Variants in TCP10L observed in about 807,000 individuals in gnomAD.
TCP10L encodes the protein t-complex 10 like, also known as T-complex protein 10A homolog 1.
In TCP10L, 11 loss-of-function variants were observed where a neutral mutation model predicts 19.2. The ratio of observed to expected loss-of-function variants is 0.57; its 90% confidence interval spans 0.36 to 0.95. The LOEUF (loss-of-function observed/expected upper bound fraction) is 0.95. Ranked by LOEUF, TCP10L falls within the 40% of genes least tolerant of loss-of-function variation. The pLI is 0.01. For missense variants in TCP10L, 247 were observed against 263.9 expected (o/e 0.94, Z 0.44); for synonymous variants, 96 against 97.2 (o/e 0.99, Z 0.07).
At chr21:32,580,407 T>C (rs2146526427) in intron 3 of TCP10L, among the ~76,000 whole-genome samples, 1 of 152,054 alleles carries the variant, frequency 6.6e-6, no homozygotes, top group East Asian at 1.9e-4. Flanking sequence ...CGCCCAGCTG[T>C]GGCTGTTTTT....
chr21:32,576,649 A>T lies in TCP10L; in HGVS notation c.*125T>A. Reference sequence around the variant, plus strand: ...AGAAACATAATTAGTTTAATAAATTACTAGGTCTATTTTGAATAACAAATT... The same window carrying T: ...AGAAACATAATTAGTTTAATAAATTTCTAGGTCTATTTTGAATAACAAATT... On this transcript the variant is annotated 3_prime_UTR_variant, in exon 5 of 5. Coordinates refer to ENST00000300258, the MANE Select transcript of TCP10L (RefSeq NM_144659.7). 2.0e-6 allele frequency: 2 copies of T among 991,876 alleles called. No homozygotes were observed. The highest frequency in any genetic ancestry group is 3.0e-6 in the Non-Finnish European group (2 of 669,284). The allele number at this position is 991,876 out of a possible 1,614,324, so 61.4% of individuals were successfully genotyped here.
rs2038422067 is a variant in TCP10L at position 32,575,574 on chromosome 21, G to GGGCCACACCTGAAGCTC, written c.*1183_*1199dup. 6.6e-6 allele frequency: 1 copy of GGGCCACACCTGAAGCTC among 152,422 alleles called. No individual in the cohort carries two copies. The highest frequency in any genetic ancestry group is 1.5e-5 in the Non-Finnish European group (1 of 68,020). The allele number at this position is 152,422 out of a possible 1,614,324, so 9.4% of individuals were successfully genotyped here. On this transcript the variant is annotated 3_prime_UTR_variant, in exon 5 of 5. Transcript: ENST00000300258. Reference sequence around the variant, plus strand: ...CAGGCTTGGGCTGTGCTGTGCATAAGGGCCACACCTGAAGCTCGGCCACAC... The same window carrying GGGCCACACCTGAAGCTC: ...CAGGCTTGGGCTGTGCTGTGCATAAGGGCCACACCTGAAGCTCGGCCACACCTGAAGCTCGGCCACAC...
intron 3 of TCP10L, among the ~76,000 whole-genome samples, chr21:32,579,799 T>C (rs573201038): frequency 6.6e-6 from 1 of 152,238 alleles, no homozygotes; most frequent in Non-Finnish European, 1.5e-5. Flanking sequence ...ACAATATATG[T>C]AGGGAAAAAA....
chr21:32,575,761 C>G lies in TCP10L; in HGVS notation c.*1013G>C, dbSNP rs61737262. The G allele has an allele frequency of 5.9e-3, 905 of 153,446 alleles. 8 individuals carry two copies. Among genetic ancestry groups the G allele is most frequent in the South Asian group, 0.02 (98 of 4,846 alleles). The allele number at this position is 153,446 out of a possible 1,614,324, so 9.5% of individuals were successfully genotyped here. ...TCTCCTCCCCGTGAGACCCGCAATGCAGGAAGCACCCACAGCTGCATGGAC... is the reference window on the plus strand; with the variant it reads ...TCTCCTCCCCGTGAGACCCGCAATGGAGGAAGCACCCACAGCTGCATGGAC... On this transcript the variant is annotated 3_prime_UTR_variant, in exon 5 of 5. Coordinates refer to ENST00000300258, the MANE Select transcript of TCP10L (RefSeq NM_144659.7).
At chr21:32,581,620 A>C (rs62214716) in intron 3 of TCP10L, among the ~76,000 whole-genome samples, 11,958 of 152,166 alleles carry the variant, frequency 0.079, 560 homozygotes, top group Non-Finnish European at 0.1. Flanking sequence ...GTGGGGAACC[A>C]AAGAAGCGAG....
chr21:32,578,037 G>A lies in TCP10L; in HGVS notation c.498+657C>T, dbSNP rs2038453814. Among the ~76,000 whole-genome samples the A allele has an allele frequency of 6.6e-6, 1 of 152,194 alleles. No homozygotes were observed. Among genetic ancestry groups the A allele is most frequent in the Admixed American group, 6.5e-5 (1 of 15,276 alleles). Reference sequence around the variant, plus strand: ...ATGCTACTGTTTGTGGTTTAAGAACGCCTTTAAGCGGTTTTCCACCCTGGG... The same window carrying A: ...ATGCTACTGTTTGTGGTTTAAGAACACCTTTAAGCGGTTTTCCACCCTGGG... On this transcript the variant is annotated intron_variant, in intron 4 of 4. Coordinates refer to ENST00000300258, the MANE Select transcript of TCP10L (RefSeq NM_144659.7). The surrounding 1 kb of genome is among the most constrained non-coding windows in gnomAD (Gnocchi z 4.2).
chr21:32,578,120 C>G lies in TCP10L; in HGVS notation c.498+574G>C, dbSNP rs143990878. ...AACCCACAACCTTCAGCGTGGGCAT[C>G]ATGGCCATCACGAACATGTCACAGT... On this transcript the variant is annotated intron_variant, in intron 4 of 4. Coordinates refer to ENST00000300258, the MANE Select transcript of TCP10L (RefSeq NM_144659.7). This position sits in a 1 kb window ranked among gnomAD's most constrained non-coding sequence, Gnocchi z 4.2. Among the ~76,000 whole-genome samples the G allele has an allele frequency of 1.2e-3, 184 of 152,372 alleles. 1 individual carries two copies. The East Asian group carries it at 0.035, about 29-fold the overall frequency.
At position 32,584,295 on chromosome 21, in the gene TCP10L, C is replaced by T. The variant is rs769259877; in HGVS notation, c.10G>A (p.Gly4Ser). The T allele has an allele frequency of 6.2e-7, 1 of 1,613,552 alleles. No homozygotes were observed. The highest frequency in any genetic ancestry group is 8.5e-7 in the Non-Finnish European group (1 of 1,179,696). Residue 4 changes from glycine (G) to serine (S), a missense_variant, in exon 2 of 5, where the codon GGT (glycine) becomes AGT (serine). Transcript: ENST00000300258. ...TTGGGGTCCCTGGCCTCGAGTTGAC[C>T]TGCCAGCATCCTGGTTGGGAAGGGA... Reference protein sequence around the residue: MLAGQLEARDPKEG... With the variant: MLASQLEARDPKEG...
At position 32,578,969 on chromosome 21, in the gene TCP10L, C is replaced by G; in HGVS notation, c.361-138G>C. The G allele has an allele frequency of 7.2e-7, 1 of 1,395,844 alleles. No individual in the cohort carries two copies. Among genetic ancestry groups the G allele is most frequent in the East Asian group, 2.5e-5 (1 of 40,464 alleles). 86.5% of individuals were successfully genotyped at this position (1,395,844 alleles called of 1,614,324 possible). A position where few individuals can be genotyped will look rare whatever the true frequency, so the allele number is the denominator to read the frequency against. ...AGGGGGACTTGGACTGGGTTTTCCC[C>G]CTAATATGTTGATAAGAACAGAAAC... On this transcript the variant is annotated intron_variant, in intron 3 of 4. Coordinates refer to ENST00000300258, the MANE Select transcript of TCP10L (RefSeq NM_144659.7). This position sits in a 1 kb window ranked among gnomAD's most constrained non-coding sequence, Gnocchi z 4.2.
At position 32,576,323 on chromosome 21, in the gene TCP10L, C is replaced by G; in HGVS notation, c.*451G>C. 1.3e-6 allele frequency: 2 copies of G among 1,532,714 alleles called. No individual in the cohort carries two copies. The highest frequency in any genetic ancestry group is 1.8e-6 in the Non-Finnish European group (2 of 1,119,450). The allele number at this position is 1,532,714 out of a possible 1,614,324, so 94.9% of individuals were successfully genotyped here. A position where few individuals can be genotyped will look rare whatever the true frequency, so the allele number is the denominator to read the frequency against. On this transcript the variant is annotated 3_prime_UTR_variant, in exon 5 of 5. Coordinates refer to ENST00000300258, the MANE Select transcript of TCP10L (RefSeq NM_144659.7). The stretch of plus-strand genomic sequence containing the variant: ...AGACTTCGGGAAGATGGATGCATAG[C>G]CTGGGGCAATGACAGTCACAGGCCC...
At position 32,582,523 on chromosome 21, in the gene TCP10L, G is replaced by A. The variant is rs2038507227; in HGVS notation, c.145-108C>T. 7 of 987,030 alleles carry A rather than the reference G, an allele frequency of 7.1e-6. No homozygotes were observed. The South Asian group carries it at 1.0e-4, about 14-fold the overall frequency. 61.1% of individuals were successfully genotyped at this position (987,030 alleles called of 1,614,324 possible). On this transcript the variant is annotated intron_variant, in intron 2 of 4. Transcript: ENST00000300258. This position sits in a 1 kb window ranked among gnomAD's most constrained non-coding sequence, Gnocchi z 4.2. ...TGATGTAAGACCAACACTATTTCTG[G>A]AATAAAAGACACCCGATGAGATAAA...
chr21:32,576,915 A>G lies in TCP10L; in HGVS notation c.507T>C (p.Ser169=), dbSNP rs749844097. The G allele has an allele frequency of 6.2e-7, 1 of 1,607,868 alleles. No individual in the cohort carries two copies. The highest frequency in any genetic ancestry group is 1.1e-5 in the South Asian group (1 of 89,020). The stretch of plus-strand genomic sequence containing the variant: ...ACGAGCTAATTCTTTCTATCTTTAA[A>G]CTCATTGGCTGAAAACAAATGTGGG... ...SNNSAPPKPM[S]LKIERISSWK... Residue 169 remains serine, a synonymous_variant, in exon 5 of 5, where the codon AGT becomes AGC. Transcript: ENST00000300258.
At chr21:32,577,131 C>T (rs1202569812) in intron 4 of TCP10L, among the ~76,000 whole-genome samples, 1 of 152,164 alleles carries the variant, frequency 6.6e-6, no homozygotes, top group East Asian at 1.9e-4. Flanking sequence ...CAATACATGG[C>T]TGATATTGTA....
In TCP10L at chr21:32,576,686, T is replaced by G. The variant is rs1402530535; in HGVS notation, c.*88A>C. 1 of 1,364,608 alleles carries G rather than the reference T, an allele frequency of 7.3e-7. No individual in the cohort carries two copies. The highest frequency in any genetic ancestry group is 1.0e-6 in the Non-Finnish European group (1 of 987,064). 84.5% of individuals were successfully genotyped at this position (1,364,608 alleles called of 1,614,324 possible). A position where few individuals can be genotyped will look rare whatever the true frequency, so the allele number is the denominator to read the frequency against. ...TTGAATAACAAATTGAGTACTTTTATTAGACCTAAGTGGAACTTTATCTGA... is the reference window on the plus strand; with the variant it reads ...TTGAATAACAAATTGAGTACTTTTAGTAGACCTAAGTGGAACTTTATCTGA... On this transcript the variant is annotated 3_prime_UTR_variant, in exon 5 of 5. Transcript: ENST00000300258.
At chr21:32,583,721 A>G (rs565749941) in intron 2 of TCP10L, among the ~76,000 whole-genome samples, 5 of 152,088 alleles carry the variant, frequency 3.3e-5, no homozygotes, top group African/African-American at 1.2e-4. Context: ...TGGGATCGTG[A>G]TAAAGGTACA....
chr21:32,576,227 C>T lies in TCP10L; in HGVS notation c.*547G>A. ...CTCTGCTCACCAGCTCCTCCGGCTGCTGCCATCTGCTCCTGCAGCATGGCG... is the reference window on the plus strand; with the variant it reads ...CTCTGCTCACCAGCTCCTCCGGCTGTTGCCATCTGCTCCTGCAGCATGGCG... On this transcript the variant is annotated 3_prime_UTR_variant, in exon 5 of 5. Transcript: ENST00000300258. 2 of 1,528,580 alleles carry T rather than the reference C, an allele frequency of 1.3e-6. No individual in the cohort carries two copies. The highest frequency in any genetic ancestry group is 1.8e-6 in the Non-Finnish European group (2 of 1,116,792). 94.7% of individuals were successfully genotyped at this position (1,528,580 alleles called of 1,614,324 possible).
chr21:32,583,080 G>C (rs2146529256), intron 2 of TCP10L, among the ~76,000 whole-genome samples: 1 of 133,854 alleles, frequency 7.5e-6, no homozygotes, highest in East Asian at 2.1e-4. Flanking sequence ...TGTCACCCAG[G>C]CTGGAGTGCA....
rs1242289691 is a variant in TCP10L at position 32,574,189 on chromosome 21, G to GACC, written c.*2582_*2584dup. ...TGTAAAATATAGCATGTTACAAGTGGACCACTAGCTAGGGCTTAGAAATAT... is the reference window on the plus strand; with the variant it reads ...TGTAAAATATAGCATGTTACAAGTGGACCACCACTAGCTAGGGCTTAGAAATAT... On this transcript the variant is annotated 3_prime_UTR_variant, in exon 5 of 5. Coordinates refer to ENST00000300258, the MANE Select transcript of TCP10L (RefSeq NM_144659.7). The GACC allele has an allele frequency of 2.0e-5, 3 of 152,106 alleles. No individual in the cohort carries two copies. Among genetic ancestry groups the GACC allele is most frequent in the Non-Finnish European group, 4.4e-5 (3 of 68,026 alleles). The allele number at this position is 152,106 out of a possible 1,614,324, so 9.4% of individuals were successfully genotyped here.
In TCP10L at chr21:32,575,520, G is replaced by A; in HGVS notation, c.*1254C>T. The stretch of plus-strand genomic sequence containing the variant: ...GCCAAGGATGGGAAGGAGTCCAGGT[G>A]CCAGGCAGCCCAGGGCGAGTGGTGC... On this transcript the variant is annotated 3_prime_UTR_variant, in exon 5 of 5. Transcript: ENST00000300258. 1 of 153,228 alleles carries A rather than the reference G, an allele frequency of 6.5e-6. No individual in the cohort carries two copies. Among genetic ancestry groups the A allele is most frequent in the Non-Finnish European group, 1.5e-5 (1 of 68,498 alleles). 9.5% of individuals were successfully genotyped at this position (153,228 alleles called of 1,614,324 possible).
Sources: gnomAD v4.1 joint callset for allele counts (sites outside exome capture counted in the v4.1 genomes callset) on GRCh38, gnomAD v4.1.1 for gene constraint, Gnocchi (gnomAD v3.1) non-coding constraint, MANE v1.5 for transcripts, NCBI Gene and HGNC (gene_info 2026-07-23, HGNC 2026-07-21) for gene names.